UNC5D: variants seen among roughly 807,000 people sequenced by gnomAD.
UNC5D encodes the protein netrin receptor UNC5D.
Under a neutral mutation model 105.4 loss-of-function variants are expected in UNC5D, and 39 were observed. That is an observed-to-expected ratio of 0.37 (90% CI 0.29 to 0.48). The LOEUF is 0.48. Among genes scored for constraint, UNC5D ranks in the 20% least tolerant of loss-of-function variants. The pLI is 0.98. For synonymous variants in UNC5D, 452 were observed against 450.4 expected, an observed-to-expected ratio of 1.00 and a Z score of -0.04; for missense variants, 991 against 1,202.4, an observed-to-expected ratio of 0.82 and a Z score of 2.60.
At chr8:35,685,527 T>C (rs773607967) in intron 6 of UNC5D, among the ~76,000 whole-genome samples, 1 of 152,182 alleles carries the variant, frequency 6.6e-6, no homozygotes, top group Non-Finnish European at 1.5e-5. Context: ...ATTGCAAATT[T>C]AGTTGCAATC....
intron 1 of UNC5D, among the ~76,000 whole-genome samples, chr8:35,333,119 G>A (rs1386526836): frequency 1.3e-5 from 2 of 152,194 alleles, no homozygotes; most frequent in Middle Eastern, 3.4e-3. Flanking sequence ...AGTATGAGGT[G>A]AGAGGACTGC....
intron 1 of UNC5D, among the ~76,000 whole-genome samples, chr8:35,395,881 A>G (rs976538433): frequency 3.3e-5 from 5 of 152,158 alleles, no homozygotes; most frequent in African/African-American, 1.2e-4. Context: ...ATTCTTCAGC[A>G]CAGGATAGAG....
intron 1 of UNC5D, among the ~76,000 whole-genome samples, chr8:35,448,188 C>A (rs1461463021): frequency 6.6e-6 from 1 of 152,032 alleles, no homozygotes; most frequent in Non-Finnish European, 1.5e-5. Flanking sequence ...CTATGCCTAT[C>A]CCTGGAAGAT....
chr8:35,634,118 G>A (rs1369666849), intron 4 of UNC5D, among the ~76,000 whole-genome samples: 1 of 152,168 alleles, frequency 6.6e-6, no homozygotes, highest in South Asian at 2.1e-4. Context: ...TCCAGTTAAT[G>A]TCTATCTCTG....
intron 1 of UNC5D, among the ~76,000 whole-genome samples, chr8:35,370,506 G>T (rs1585687588): frequency 6.6e-6 from 1 of 152,222 alleles, no homozygotes; most frequent in Non-Finnish European, 1.5e-5. Flanking sequence ...TAAAACTGTT[G>T]TTGAGAAAAT....
chr8:35,484,899 T>C (rs1330989683), intron 1 of UNC5D, among the ~76,000 whole-genome samples: 2 of 152,192 alleles, frequency 1.3e-5, no homozygotes, highest in Non-Finnish European at 1.5e-5. Context: ...TCAATATTGA[T>C]GTAACAAGCA....
At chr8:35,461,374 C>T (rs887824727) in intron 1 of UNC5D, among the ~76,000 whole-genome samples, 58 of 151,980 alleles carry the variant, frequency 3.8e-4, no homozygotes, top group Admixed American at 3.5e-3. Context: ...CTATGCTACA[C>T]GCGTGTGAAA....
At chr8:35,595,102 C>A (rs985887437) in intron 3 of UNC5D, among the ~76,000 whole-genome samples, 1 of 152,104 alleles carries the variant, frequency 6.6e-6, no homozygotes, top group African/African-American at 2.4e-5. Context: ...CTTCTAGAGC[C>A]CCCTAGAGGG....
At chr8:35,332,133 TA>T (rs1477471643) in intron 1 of UNC5D, among the ~76,000 whole-genome samples, 4 of 152,214 alleles carry the variant, frequency 2.6e-5, no homozygotes, top group African/African-American at 4.8e-5. Flanking sequence ...GATATGACCA[TA>T]AACTTTCTGA....
At chr8:35,624,160 G>T (rs2131042829) in intron 4 of UNC5D, among the ~76,000 whole-genome samples, 1 of 152,264 alleles carries the variant, frequency 6.6e-6, no homozygotes, top group Admixed American at 6.5e-5. Context: ...CACGCATGTT[G>T]TGAATGAATG....
Position 35,793,010 on chromosome 8 carries a change from A to T in UNC5D, c.*2447A>T. 2.2e-6 allele frequency: 1 copy of T among 454,756 alleles called. No homozygotes were observed. Among genetic ancestry groups the T allele is most frequent in the Non-Finnish European group, 4.4e-6 (1 of 226,516 alleles). 28.2% of individuals were successfully genotyped at this position (454,756 alleles called of 1,614,324 possible). ...CCTGGGTTTTATAAACAACTTGAAC[A>T]TCATATCATATAGGATAACAAAGGA... On this transcript the variant is annotated 3_prime_UTR_variant, in exon 17 of 17. Transcript: ENST00000404895.
intron 8 of UNC5D, among the ~76,000 whole-genome samples, chr8:35,720,778 C>T (rs1299676176): frequency 2.0e-5 from 3 of 151,714 alleles, no homozygotes; most frequent in Non-Finnish European, 4.4e-5. Flanking sequence ...TGTTTCTCAG[C>T]GGGCACCATG....
intron 4 of UNC5D, among the ~76,000 whole-genome samples, chr8:35,597,003 A>T (rs1379699457): frequency 3.9e-5 from 6 of 152,162 alleles, no homozygotes; most frequent in African/African-American, 1.2e-4. Context: ...CAGTGTTTAG[A>T]GCTATTGTTT....
intron 16 of UNC5D, among the ~76,000 whole-genome samples, chr8:35,776,196 TCACTTA>T (rs1802237871): frequency 6.6e-6 from 1 of 152,144 alleles, no homozygotes; most frequent in Non-Finnish European, 1.5e-5. Flanking sequence ...CCTAAATGAG[TCACTTA>T]CTATCCCTGT....
chr8:35,611,168 T>A (rs1820656279), intron 4 of UNC5D, among the ~76,000 whole-genome samples: 1 of 152,198 alleles, frequency 6.6e-6, no homozygotes. Flanking sequence ...CTCATTATGT[T>A]TGGGGAACCA....
intron 1 of UNC5D, among the ~76,000 whole-genome samples, chr8:35,376,776 G>A (rs1314475509): frequency 6.6e-6 from 1 of 152,120 alleles, no homozygotes; most frequent in African/African-American, 2.4e-5. Flanking sequence ...TGTCCACAGT[G>A]ATCTCTGAAC....
At chr8:35,420,947 T>A (rs1052221130) in intron 1 of UNC5D, among the ~76,000 whole-genome samples, 4 of 152,120 alleles carry the variant, frequency 2.6e-5, no homozygotes, top group African/African-American at 9.7e-5. Flanking sequence ...GAGACTGACT[T>A]AAGTTATAGG....
chr8:35,746,759 A>T (rs964955581), intron 11 of UNC5D, among the ~76,000 whole-genome samples: 2 of 152,184 alleles, frequency 1.3e-5, no homozygotes, highest in Non-Finnish European at 2.9e-5. Flanking sequence ...TCTGAAAGCA[A>T]TTAAATAGTT....
intron 3 of UNC5D, among the ~76,000 whole-genome samples, chr8:35,590,653 A>G: frequency 6.6e-6 from 1 of 152,204 alleles, no homozygotes; most frequent in East Asian, 1.9e-4. Context: ...CTATGAAGCA[A>G]CCAGTGCTCT....
Sources: allele counts gnomAD v4.1 joint callset (sites outside exome capture counted in the v4.1 genomes callset), GRCh38; gene constraint gnomAD v4.1.1; transcripts MANE v1.5; gene names NCBI Gene and HGNC (gene_info 2026-07-23, HGNC 2026-07-21).